The following EPHA6 variants were observed in gnomAD, a reference collection of about 807,000 sequenced individuals.
The protein encoded by EPHA6 is ephrin type-A receptor 6.
Under a neutral mutation model 112.0 loss-of-function variants are expected in EPHA6, and 50 were observed. The ratio of observed to expected loss-of-function variants is 0.45; its 90% confidence interval spans 0.36 to 0.56. The LOEUF is 0.56. EPHA6 is among the 20% of genes least tolerant of loss of function. The pLI, the probability that EPHA6 is intolerant of heterozygous loss-of-function variation, is 0.00. For synonymous variants in EPHA6, 529 were observed against 490.7 expected (o/e 1.08, Z -1.03); for missense variants, 1,280 against 1,417.4 (o/e 0.90, Z 1.56).
rs773966155 is a variant in EPHA6 at position 97,076,432 on chromosome 3, G to A, written c.1114+88439G>A. ...ATTCTGTGAAGGCTGAGAGAGGTAA[G>A]GAAGTGACAGAAGAAAAGTTGGAAG... On this transcript the variant is annotated intron_variant, in intron 3 of 17. Coordinates refer to ENST00000389672, the MANE Select transcript of EPHA6 (RefSeq NM_001080448.3). Among the ~76,000 whole-genome samples the A allele has an allele frequency of 1.2e-3, 187 of 152,252 alleles. 1 individual carries two copies. The highest frequency in any genetic ancestry group is 1.2e-3 in the Non-Finnish European group (81 of 68,002).
intron 5 of EPHA6, among the ~76,000 whole-genome samples, chr3:97,388,320 ATCT>A (rs1373749636): frequency 2.6e-5 from 4 of 151,964 alleles, no homozygotes; most frequent in Non-Finnish European, 4.4e-5. Flanking sequence ...TTTTTTTTTA[ATCT>A]TCTTAGTTCA....
At chr3:97,683,041 C>T (rs752891948) in intron 14 of EPHA6, among the ~76,000 whole-genome samples, 1 of 152,084 alleles carries the variant, frequency 6.6e-6, no homozygotes, top group Non-Finnish European at 1.5e-5. Flanking sequence ...TTTTATAATG[C>T]TTTATTAGAT....
chr3:97,338,207 A>C (rs945840477), intron 5 of EPHA6, among the ~76,000 whole-genome samples: 2 of 152,028 alleles, frequency 1.3e-5, no homozygotes, highest in African/African-American at 4.8e-5. Flanking sequence ...CTATATATCC[A>C]TCTCAGACTA....
At chr3:96,969,457 T>A (rs138882966) in intron 2 of EPHA6, among the ~76,000 whole-genome samples, 2 of 152,006 alleles carry the variant, frequency 1.3e-5, no homozygotes, top group East Asian at 3.9e-4. Flanking sequence ...CCTATACAAC[T>A]GAAATCCTAA....
At chr3:97,498,951 T>C (rs539742735) in intron 10 of EPHA6, among the ~76,000 whole-genome samples, 2 of 152,334 alleles carry the variant, frequency 1.3e-5, no homozygotes, top group Non-Finnish European at 2.9e-5. Flanking sequence ...AACTGCACTT[T>C]GCAAAAGCAA....
At chr3:96,845,085 T>C (rs2034990988) in intron 1 of EPHA6, among the ~76,000 whole-genome samples, 1 of 152,014 alleles carries the variant, frequency 6.6e-6, no homozygotes, top group Non-Finnish European at 1.5e-5. Flanking sequence ...AAAGATAAGA[T>C]AAATATTTTT....
At chr3:96,839,167 C>G (rs1442586294) in intron 1 of EPHA6, among the ~76,000 whole-genome samples, 1 of 152,102 alleles carries the variant, frequency 6.6e-6, no homozygotes, top group Non-Finnish European at 1.5e-5. Flanking sequence ...GGTCCCCAGC[C>G]CTGGGCTGCA....
chr3:97,686,450 C>A (rs958100865), intron 14 of EPHA6, among the ~76,000 whole-genome samples: 5 of 152,184 alleles, frequency 3.3e-5, no homozygotes, highest in African/African-American at 9.7e-5. Context: ...CTCACAATCA[C>A]AGCAGTAAAT....
intron 11 of EPHA6, among the ~76,000 whole-genome samples, chr3:97,547,448 G>A (rs935732392): frequency 9.2e-5 from 14 of 152,116 alleles, no homozygotes; most frequent in South Asian, 2.1e-4. Flanking sequence ...AGGAGTACCC[G>A]GCTGTGTGAG....
At chr3:96,851,318 A>G (rs1248893497) in intron 1 of EPHA6, among the ~76,000 whole-genome samples, 1 of 152,206 alleles carries the variant, frequency 6.6e-6, no homozygotes, top group African/African-American at 2.4e-5. Flanking sequence ...ATATAAACAA[A>G]TGTATGCAAA....
At chr3:97,541,408 G>A (rs2092848359) in intron 11 of EPHA6, among the ~76,000 whole-genome samples, 1 of 152,064 alleles carries the variant, frequency 6.6e-6, no homozygotes, top group South Asian at 2.1e-4. Context: ...TATTAGTATG[G>A]TAGTATTAAT....
At chr3:97,332,732 T>G (rs979008141) in intron 5 of EPHA6, among the ~76,000 whole-genome samples, 1 of 152,134 alleles carries the variant, frequency 6.6e-6, no homozygotes, top group Non-Finnish European at 1.5e-5. Context: ...CTTACTCCAC[T>G]GAATTACTTT....
chr3:97,326,244 A>G (rs1559885925), intron 5 of EPHA6, among the ~76,000 whole-genome samples: 1 of 152,014 alleles, frequency 6.6e-6, no homozygotes, highest in East Asian at 1.9e-4. Context: ...CCCCTTAATA[A>G]TATCAGTGTC....
chr3:97,454,011 T>C (rs2090603598), intron 7 of EPHA6, among the ~76,000 whole-genome samples: 2 of 151,784 alleles, frequency 1.3e-5, no homozygotes, highest in African/African-American at 4.8e-5. Context: ...TCTATCGATT[T>C]CTGCAAATTA....
intron 5 of EPHA6, among the ~76,000 whole-genome samples, chr3:97,318,265 A>C (rs2081939293): frequency 1.3e-5 from 2 of 152,080 alleles, no homozygotes. Flanking sequence ...AAACCTAACC[A>C]GAAATCTTCA....
intron 16 of EPHA6, among the ~76,000 whole-genome samples, chr3:97,742,133 T>C (rs555895044): frequency 3.3e-5 from 5 of 152,250 alleles, no homozygotes; most frequent in African/African-American, 1.2e-4. Flanking sequence ...CTGGCATAAA[T>C]ACGTTTTGCT....
At chr3:97,298,231 C>T (rs1375991731) in intron 5 of EPHA6, among the ~76,000 whole-genome samples, 1 of 152,084 alleles carries the variant, frequency 6.6e-6, no homozygotes, top group Non-Finnish European at 1.5e-5. Context: ...GTATTTTCCC[C>T]AGAATGGGAA....
chr3:97,159,050 A>G (rs555331570), intron 3 of EPHA6, among the ~76,000 whole-genome samples: 1 of 152,172 alleles, frequency 6.6e-6, no homozygotes, highest in South Asian at 2.1e-4. Context: ...CCTTTCACAC[A>G]TGGTAGGATG....
chr3:97,232,892 T>C (rs79766294), intron 4 of EPHA6, among the ~76,000 whole-genome samples: 7,936 of 152,240 alleles, frequency 0.052, 564 homozygotes, highest in Admixed American at 0.2. Context: ...ACATGCACAG[T>C]ATGTTTACTG....
Sources: allele counts gnomAD v4.1 joint callset (sites outside exome capture counted in the v4.1 genomes callset), GRCh38; gene constraint gnomAD v4.1.1; transcripts MANE v1.5; gene names NCBI Gene and HGNC (gene_info 2026-07-23, HGNC 2026-07-21).